EBF3: variants seen among roughly 807,000 people sequenced by gnomAD.
EBF3 encodes the protein transcription factor COE3.
EBF3 carries 18 observed loss-of-function variants against 77.1 expected under a neutral mutation model. That is an observed-to-expected ratio of 0.23 (90% confidence interval 0.16 to 0.35). The LOEUF (loss-of-function observed/expected upper bound fraction) is 0.35, where lower values mean the gene tolerates loss of function less well. Among genes scored for constraint, EBF3 ranks in the 10% least tolerant of loss-of-function variants. The pLI is 1.00. For missense variants in EBF3, 558 were observed against 860.0 expected (o/e 0.65, Z 4.39); for synonymous variants, 350 against 343.5 (o/e 1.02, Z -0.21).
In EBF3 at chr10:129,943,076, T is replaced by C. The variant is rs1280459837; in HGVS notation, c.554+14182A>G. On this transcript the variant is annotated intron_variant, in intron 6 of 16. Transcript: ENST00000440978. This position sits in a 1 kb window ranked among gnomAD's most constrained non-coding sequence, Gnocchi z 8.8. Reference sequence around the variant, plus strand: ...TTCCTGTCCTCCATTCTAAACCACTTTGCCTGCACGATGGGAATGACTGGA... The same window carrying C: ...TTCCTGTCCTCCATTCTAAACCACTCTGCCTGCACGATGGGAATGACTGGA... 6.6e-6 allele frequency among the ~76,000 whole-genome samples: 1 copy of C among 152,208 alleles called. No homozygotes were observed. The highest frequency in any genetic ancestry group is 2.4e-5 in the African/African-American group (1 of 41,448).
At chr10:129,942,596 C>A (rs1857846622) in intron 6 of EBF3, among the ~76,000 whole-genome samples, 1 of 152,142 alleles carries the variant, frequency 6.6e-6, no homozygotes, top group Non-Finnish European at 1.5e-5. Context: ...CCCCGGGGCA[C>A]TGGGGAAAAT....
In EBF3 at chr10:129,935,309, G is replaced by C. The variant is rs1183882938; in HGVS notation, c.554+21949C>G. 6.6e-6 allele frequency among the ~76,000 whole-genome samples: 1 copy of C among 152,296 alleles called. No individual in the cohort carries two copies. The highest frequency in any genetic ancestry group is 1.9e-4 in the East Asian group (1 of 5,166). On this transcript the variant is annotated intron_variant, in intron 6 of 16. Transcript: ENST00000440978. The surrounding 1 kb of genome is among the most constrained non-coding windows in gnomAD (Gnocchi z 4.2). ...TGGGAACCAGGCTTGGATCTGCCCA[G>C]TGACTGGCGGCCTGGGACCAGGGTG...
intron 6 of EBF3, among the ~76,000 whole-genome samples, chr10:129,911,655 C>T (rs948397756): frequency 8.5e-5 from 13 of 152,138 alleles, no homozygotes; most frequent in East Asian, 1.9e-4. Context: ...CTGCTGGGCT[C>T]ACGGGGCAGG....
Position 129,944,270 on chromosome 10 carries a change from T to C in EBF3, c.554+12988A>G, listed in dbSNP as rs1230491055. Reference sequence around the variant, plus strand: ...GGGGTCATTTCTCCTTTCAGATTGGTCAATGAGGGGAACACCAGAGTGCAC... The same window carrying C: ...GGGGTCATTTCTCCTTTCAGATTGGCCAATGAGGGGAACACCAGAGTGCAC... On this transcript the variant is annotated intron_variant, in intron 6 of 16. Coordinates refer to ENST00000440978, the MANE Select transcript of EBF3 (RefSeq NM_001375380.1). This position sits in a 1 kb window ranked among gnomAD's most constrained non-coding sequence, Gnocchi z 5.1. Among the ~76,000 whole-genome samples, 2 of 152,172 alleles carry C rather than the reference T, an allele frequency of 1.3e-5. No individual in the cohort carries two copies. Among genetic ancestry groups the C allele is most frequent in the African/African-American group, 2.4e-5 (1 of 41,424 alleles).
intron 10 of EBF3, among the ~76,000 whole-genome samples, chr10:129,857,547 T>C (rs1472925606): frequency 6.6e-6 from 1 of 152,192 alleles, no homozygotes; most frequent in Non-Finnish European, 1.5e-5. Context: ...CCTCATCTGC[T>C]CCTCTTGTCA....
chr10:129,843,002 T>C, intron 12 of EBF3, 135 bp downstream of exon 12: 1 of 794,096 alleles, frequency 1.3e-6, no homozygotes, highest in Middle Eastern at 3.7e-4. Flanking sequence ...TGGGAAGCCA[T>C]TCTCACATCA....
chr10:129,896,165 G>C (rs948823384), intron 6 of EBF3, among the ~76,000 whole-genome samples: 3 of 152,090 alleles, frequency 2.0e-5, no homozygotes, highest in Admixed American at 1.3e-4. Flanking sequence ...ATGCAGGGTG[G>C]GGGGAAGGGG....
intron 7 of EBF3, among the ~76,000 whole-genome samples, chr10:129,876,543 G>A (rs990322796): frequency 2.6e-5 from 4 of 152,228 alleles, no homozygotes; most frequent in African/African-American, 9.6e-5. Context: ...CCAGCTGACC[G>A]GGCAGGCATG....
intron 6 of EBF3, among the ~76,000 whole-genome samples, chr10:129,903,871 T>A (rs1854957952): frequency 6.6e-6 from 1 of 152,168 alleles, no homozygotes; most frequent in Non-Finnish European, 1.5e-5. Flanking sequence ...AATTCAATCC[T>A]AAAGTTGACA....
At chr10:129,917,144 G>T (rs1229171409) in intron 6 of EBF3, among the ~76,000 whole-genome samples, 1 of 152,176 alleles carries the variant, frequency 6.6e-6, no homozygotes, top group Non-Finnish European at 1.5e-5. Context: ...GAGGCAGGTG[G>T]ATCACCTGAG....
At chr10:129,866,441 T>A (rs1442733595) in intron 10 of EBF3, among the ~76,000 whole-genome samples, 1 of 152,238 alleles carries the variant, frequency 6.6e-6, no homozygotes, top group African/African-American at 2.4e-5. Flanking sequence ...ACGGCATTTC[T>A]CAACAGCAAT....
At chr10:129,880,656 T>C (rs1589774068) in intron 6 of EBF3, among the ~76,000 whole-genome samples, 1 of 152,220 alleles carries the variant, frequency 6.6e-6, no homozygotes, top group Non-Finnish European at 1.5e-5. Context: ...ACCAGGATCC[T>C]TTCTGAGCAC....
chr10:129,936,436 G>A (rs1316553467), intron 6 of EBF3, among the ~76,000 whole-genome samples: 1 of 152,232 alleles, frequency 6.6e-6, no homozygotes, highest in Non-Finnish European at 1.5e-5. Context: ...GCTTGCTGAG[G>A]GATGGGAGAG....
At chr10:129,908,029 C>G (rs1225835987) in intron 6 of EBF3, among the ~76,000 whole-genome samples, 1 of 152,214 alleles carries the variant, frequency 6.6e-6, no homozygotes, top group African/African-American at 2.4e-5. Flanking sequence ...CCTCATTCTT[C>G]TCCTGCCATT....
chr10:129,873,645 A>C, intron 7 of EBF3, 49 bp from the exon 8 acceptor site: 1 of 1,452,418 alleles, frequency 6.9e-7, no homozygotes, highest in Non-Finnish European at 9.1e-7. Context: ...AGAAAAGCAG[A>C]GCCCCCTGTT....
At chr10:129,869,707 T>C (rs545819454) in intron 8 of EBF3, among the ~76,000 whole-genome samples, 1 of 152,324 alleles carries the variant, frequency 6.6e-6, no homozygotes, top group South Asian at 2.1e-4. Flanking sequence ...CACCTTCCTT[T>C]GTTTGCTTTA....
At chr10:129,916,691 T>C (rs991029535) in intron 6 of EBF3, among the ~76,000 whole-genome samples, 8 of 152,050 alleles carry the variant, frequency 5.3e-5, no homozygotes, top group African/African-American at 1.9e-4. Flanking sequence ...CCAGCAAAGC[T>C]CAGGGCCTGG....
chr10:129,889,474 C>T, intron 6 of EBF3, among the ~76,000 whole-genome samples: 1 of 152,238 alleles, frequency 6.6e-6, no homozygotes, highest in East Asian at 1.9e-4. Context: ...GTGGGCTCTG[C>T]TGCCTGAGCA....
intron 6 of EBF3, among the ~76,000 whole-genome samples, chr10:129,945,057 CGGGGAGGGGAGGGGA>C (rs1244566200): frequency 2.7e-5 from 2 of 72,732 alleles, no homozygotes; most frequent in African/African-American, 1.1e-4. Context: ...GGAAGATGGG[CGGGGAGGGGAGGGGA>C]GGGGAGGGGA....
Sources: allele counts gnomAD v4.1 joint callset (sites outside exome capture counted in the v4.1 genomes callset), GRCh38; gene constraint gnomAD v4.1.1; non-coding constraint Gnocchi (gnomAD v3.1); transcripts MANE v1.5; gene names NCBI Gene and HGNC (gene_info 2026-07-23, HGNC 2026-07-21).